MYO18B: variants seen among roughly 807,000 people sequenced by gnomAD.
MYO18B encodes unconventional myosin-XVIIIb.
A neutral mutation model predicts 273.0 loss-of-function variants in MYO18B; 204 were observed. The ratio of observed to expected loss-of-function variants is 0.75; its 90% confidence interval spans 0.67 to 0.84. MYO18B has a LOEUF of 0.84. Among genes scored for constraint, MYO18B ranks in the 40% least tolerant of loss-of-function variants. The pLI is 0.00. For synonymous variants in MYO18B, 1,330 were observed against 1,305.7 expected, an observed-to-expected ratio of 1.02 and a Z score of -0.40; for missense variants, 3,212 against 3,287.6, an observed-to-expected ratio of 0.98 and a Z score of 0.56.
At chr22:25,863,539 C>G (rs2090801376) in intron 21 of MYO18B, among the ~76,000 whole-genome samples, 1 of 138,272 alleles carries the variant, frequency 7.2e-6, no homozygotes, top group Non-Finnish European at 1.6e-5. Context: ...CCACTGATAT[C>G]TCTGCCCAAT....
At chr22:25,891,283 A>C in intron 26 of MYO18B, 21 bp from the exon 27 acceptor site, 1 of 1,512,096 alleles carries the variant, frequency 6.6e-7, no homozygotes, top group South Asian at 1.2e-5. Flanking sequence ...TCTAGTTTAG[A>C]CCTTGAGCCC....
At chr22:25,803,955 C>T (rs369982654) in intron 12 of MYO18B, among the ~76,000 whole-genome samples, 1 of 140,162 alleles carries the variant, frequency 7.1e-6, no homozygotes. Flanking sequence ...CATTTTACCT[C>T]TTGACCCAGT....
At chr22:25,950,114 G>A (rs2092773430) in intron 36 of MYO18B, among the ~76,000 whole-genome samples, 1 of 152,150 alleles carries the variant, frequency 6.6e-6, no homozygotes, top group African/African-American at 2.4e-5. Context: ...GGGTTCTCAA[G>A]GGTATATAAT....
chr22:25,989,729 C>G (rs1296371644), intron 39 of MYO18B, among the ~76,000 whole-genome samples: 1 of 121,426 alleles, frequency 8.2e-6, no homozygotes, highest in South Asian at 2.7e-4. Context: ...ACCTGGGAGG[C>G]GGAGCTTGCA....
chr22:25,783,829 A>C (rs1178872820), intron 10 of MYO18B, among the ~76,000 whole-genome samples: 1 of 152,204 alleles, frequency 6.6e-6, no homozygotes, highest in Non-Finnish European at 1.5e-5. Flanking sequence ...TAAGAGAGTG[A>C]GTAAAGTGCT....
chr22:25,927,825 T>G (rs5761322), intron 34 of MYO18B, among the ~76,000 whole-genome samples: 149,382 of 152,226 alleles, frequency 0.98, 73,310 homozygotes, highest in Middle Eastern at 1. Context: ...GCTGGCTGAC[T>G]CTTAAGGAAA....
At chr22:25,960,285 A>T (rs1486041240) in intron 39 of MYO18B, among the ~76,000 whole-genome samples, 3 of 152,026 alleles carry the variant, frequency 2.0e-5, no homozygotes, top group South Asian at 4.2e-4. Context: ...TCATCTGTGG[A>T]TGTATATATC....
intron 21 of MYO18B, among the ~76,000 whole-genome samples, chr22:25,853,802 T>C (rs2090490888): frequency 6.6e-6 from 1 of 152,138 alleles, no homozygotes. Context: ...ACAAGGAGAA[T>C]GGACTTGGTT....
Position 25,894,209 on chromosome 22 carries a change from T to C in MYO18B, c.4544-947T>C, listed in dbSNP as rs1300355914. Among the ~76,000 whole-genome samples, 6 of 152,358 alleles carry C rather than the reference T, an allele frequency of 3.9e-5. No individual in the cohort carries two copies. In the East Asian group the frequency reaches 1.2e-3, roughly 29 times the overall value. Reference sequence around the variant, plus strand: ...ATCATACTAGGCTTCAGCTGTCTTTTTACTTGTTTCCCTTGCTTGATTATT... The same window carrying C: ...ATCATACTAGGCTTCAGCTGTCTTTCTACTTGTTTCCCTTGCTTGATTATT... On this transcript the variant is annotated intron_variant, in intron 27 of 43. Coordinates refer to ENST00000335473, the MANE Select transcript of MYO18B (RefSeq NM_032608.7).
chr22:26,016,018 C>T (rs1935300018), intron 42 of MYO18B, among the ~76,000 whole-genome samples: 3 of 152,210 alleles, frequency 2.0e-5, no homozygotes, highest in African/African-American at 7.2e-5. Flanking sequence ...AATTTCCATT[C>T]AGTTAAAGCT....
At chr22:25,908,530 C>A in intron 32 of MYO18B, 98 bp downstream of exon 32, 2 of 1,011,998 alleles carry the variant, frequency 2.0e-6, no homozygotes, top group East Asian at 2.6e-5. Context: ...GGTCTGGGAT[C>A]TGGGGACAAG....
rs201214042 is a variant in MYO18B, at chr22:25,945,696, CCTCCCCT to C, written c.5518-432_5518-426del. On this transcript the variant is annotated intron_variant, in intron 34 of 43. Transcript: ENST00000335473. ...TGAGGAGGCCTCTCCTCTCCCCTCG[CCTCCCCT>C]CTCCCCTCGCCTCCCCTCCCCTCCC... is the stretch of plus-strand genomic sequence containing the variant. Among the ~76,000 whole-genome samples the C allele has an allele frequency of 3.3e-3, 348 of 104,314 alleles. 5 individuals carry two copies. Among genetic ancestry groups the C allele is most frequent in the African/African-American group, 0.012 (322 of 26,594 alleles). The allele number at this position is 104,314 out of a possible 152,430, so 68.4% of individuals were successfully genotyped here.
intron 20 of MYO18B, among the ~76,000 whole-genome samples, chr22:25,851,026 A>C (rs1199638619): frequency 6.6e-6 from 1 of 151,816 alleles, no homozygotes; most frequent in African/African-American, 2.4e-5. Context: ...AGCATGCTTC[A>C]CATACAGTGT....
intron 39 of MYO18B, among the ~76,000 whole-genome samples, chr22:25,963,178 T>TCTCTCTCTCACACACA (rs774304270): frequency 6.9e-6 from 1 of 144,074 alleles, no homozygotes; most frequent in African/African-American, 2.6e-5. Flanking sequence ...TCTCTCTCTC[T>TCTCTCTCTCACACACA]CACACACACA....
At position 25,911,008 on chromosome 22, in the gene MYO18B, G is replaced by A; in HGVS notation, c.5322G>A (p.Glu1774=). 1 of 1,606,586 alleles carries A rather than the reference G, an allele frequency of 6.2e-7. No individual in the cohort carries two copies. Among genetic ancestry groups the A allele is most frequent in the Non-Finnish European group, 8.5e-7 (1 of 1,176,700 alleles). The change falls in exon 33 of 44, where the codon GAG becomes GAA. Residue 1774 remains glutamate (E), a synonymous_variant. Coordinates refer to ENST00000335473, the MANE Select transcript of MYO18B (RefSeq NM_032608.7). ...EYEEKQMVLH[E]KQDLEGLIGT... is the part of the protein sequence containing the mutation. ...AAGAGAAGCAGATGGTCCTCCATGA[G>A]AAGCAAGATTTGGAAGGCTTGATCG... is the stretch of plus-strand genomic sequence containing the variant.
intron 12 of MYO18B, among the ~76,000 whole-genome samples, chr22:25,815,428 G>A (rs1395122171): frequency 1.3e-5 from 2 of 152,168 alleles, no homozygotes; most frequent in African/African-American, 4.8e-5. Context: ...TGGGTCACCT[G>A]CTCTGGGACA....
chr22:25,763,308 G>A lies in MYO18B; in HGVS notation c.117G>A (p.Lys39=). ...CTGTCATCCCAGGGGGCTTCATTAA[G>A]CAACTGGTCCGGGGGACTGAAAAAG... The part of the protein sequence containing the change: ...LFSVIPGGFI[K]QLVRGTEKEA... The change falls in exon 3 of 44, where the codon AAG becomes AAA. Residue 39 remains lysine, a synonymous_variant. Coordinates refer to ENST00000335473, the MANE Select transcript of MYO18B (RefSeq NM_032608.7). 1.2e-6 allele frequency: 2 copies of A among 1,613,196 alleles called. No individual in the cohort carries two copies. Among genetic ancestry groups the A allele is most frequent in the Non-Finnish European group, 1.7e-6 (2 of 1,179,684 alleles).
chr22:25,991,965 C>A (rs371803057), intron 39 of MYO18B, among the ~76,000 whole-genome samples: 3 of 152,314 alleles, frequency 2.0e-5, no homozygotes, highest in East Asian at 3.9e-4. Flanking sequence ...CAGATTTATC[C>A]TTGAGGCTCA....
intron 39 of MYO18B, among the ~76,000 whole-genome samples, chr22:25,969,260 G>A (rs1330120944): frequency 1.3e-5 from 2 of 152,300 alleles, no homozygotes; most frequent in South Asian, 2.1e-4. Context: ...TTAGCAAGGA[G>A]GTATCCAGAG....
Sources: gnomAD v4.1 joint callset for allele counts (sites outside exome capture counted in the v4.1 genomes callset) on GRCh38, gnomAD v4.1.1 for gene constraint, MANE v1.5 for transcripts, NCBI Gene and HGNC (gene_info 2026-07-23, HGNC 2026-07-21) for gene names.